Variants in NRXN3 observed in about 807,000 individuals in gnomAD.
The protein encoded by NRXN3 is neurexin 3, also known as neurexin III.
Under a neutral mutation model 137.6 loss-of-function variants are expected in NRXN3, and 32 were observed. The observed-to-expected ratio is 0.23, with a 90% confidence interval of 0.18 to 0.31. The LOEUF (loss-of-function observed/expected upper bound fraction) is 0.31. Among genes scored for constraint, NRXN3 ranks in the 10% least tolerant of loss-of-function variants. The pLI, the probability that NRXN3 is intolerant of heterozygous loss-of-function variation, is 1.00. For missense variants in NRXN3, 1,574 were observed against 2,062.5 expected, an observed-to-expected ratio of 0.76 and a Z score of 4.59; for synonymous variants, 798 against 784.5, an observed-to-expected ratio of 1.02 and a Z score of -0.29.
At chr14:79,292,199 A>G (rs950670397) in intron 15 of NRXN3, among the ~76,000 whole-genome samples, 10 of 152,324 alleles carry the variant, frequency 6.6e-5, no homozygotes, top group Admixed American at 3.9e-4. Flanking sequence ...CTATTACATT[A>G]TAGGAGAGGC....
intron 1 of NRXN3, among the ~76,000 whole-genome samples, chr14:78,196,799 G>A (rs1444360952): frequency 1.3e-5 from 2 of 152,180 alleles, no homozygotes; most frequent in East Asian, 3.8e-4. Context: ...TTAGTTACAC[G>A]GGAGAAGGCT....
intron 4 of NRXN3, among the ~76,000 whole-genome samples, chr14:78,465,599 G>A (rs532287379): frequency 3.7e-4 from 56 of 152,158 alleles, no homozygotes; most frequent in Middle Eastern, 6.8e-3. Context: ...GTGCAGTGGC[G>A]CGATCTCGGC....
intron 15 of NRXN3, among the ~76,000 whole-genome samples, chr14:79,241,421 G>A (rs117895201): frequency 0.014 from 2,205 of 152,240 alleles, 22 homozygotes; most frequent in Non-Finnish European, 0.023. Context: ...CAATCATGGC[G>A]GAAAGCAAAA....
intron 15 of NRXN3, among the ~76,000 whole-genome samples, chr14:79,317,948 T>G (rs1434047133): frequency 6.6e-6 from 1 of 152,082 alleles, no homozygotes; most frequent in African/African-American, 2.4e-5. Context: ...TTCAAACCAA[T>G]GTAAGAGCAT....
intron 15 of NRXN3, chr14:79,248,537 C>T (rs2075515742): frequency 6.6e-6 from 1 of 152,198 alleles, no homozygotes; most frequent in African/African-American, 2.4e-5. Flanking sequence ...TTTCCTGTGT[C>T]CCCATGGGAC....
rs555326706 is a variant in NRXN3, at chr14:78,670,586, T to C, written c.1221+19260T>C. The stretch of plus-strand genomic sequence containing the variant: ...ATAGCAGTTAACTTTTATTGAGTGT[T>C]TACCATGTGTCAGGAACTCTAAGTA... On this transcript the variant is annotated intron_variant, in intron 6 of 20. Coordinates refer to ENST00000335750, the MANE Select transcript of NRXN3 (RefSeq NM_001330195.2). Among the ~76,000 whole-genome samples the C allele has an allele frequency of 9.8e-5, 15 of 152,286 alleles. No homozygotes were observed. The South Asian group carries it at 1.2e-3, about 13-fold the overall frequency.
chr14:79,717,711 A>G lies in NRXN3; in HGVS notation c.4014+19774A>G, dbSNP rs1414082813. Among the ~76,000 whole-genome samples the G allele has an allele frequency of 2.0e-5, 3 of 152,210 alleles. 1 individual carries two copies. The highest frequency in any genetic ancestry group is 4.1e-4 in the South Asian group (2 of 4,832). On this transcript the variant is annotated intron_variant, in intron 19 of 20. Coordinates refer to ENST00000335750, the MANE Select transcript of NRXN3 (RefSeq NM_001330195.2). ...TCAGGTTTAAGGTGCCCAAGCTACT[A>G]TAGTGCCCTTTCTTATCTTGGTTTT...
intron 15 of NRXN3, among the ~76,000 whole-genome samples, chr14:79,386,690 G>A (rs1191249234): frequency 6.6e-6 from 1 of 152,094 alleles, no homozygotes; most frequent in Admixed American, 6.5e-5. Context: ...CACACTACCT[G>A]ACTTCAAACT....
At chr14:78,957,559 G>A (rs1043100792) in intron 11 of NRXN3, among the ~76,000 whole-genome samples, 198 bp downstream of exon 11, 2 of 152,180 alleles carry the variant, frequency 1.3e-5, no homozygotes, top group Non-Finnish European at 2.9e-5. Context: ...GTGCGTTATG[G>A]AAATTACCTA....
At chr14:79,565,288 C>A in intron 16 of NRXN3, among the ~76,000 whole-genome samples, 2 of 117,100 alleles carry the variant, frequency 1.7e-5, no homozygotes, top group Admixed American at 8.0e-5. Flanking sequence ...TACATATACG[C>A]ACACATGTGT....
chr14:78,915,421 G>C (rs1381699959), intron 10 of NRXN3, among the ~76,000 whole-genome samples: 1 of 135,412 alleles, frequency 7.4e-6, no homozygotes, highest in Admixed American at 7.5e-5. Context: ...GGGAACAAGA[G>C]TTTAGAGAAG....
chr14:78,666,729 G>A (rs763214025), intron 6 of NRXN3, among the ~76,000 whole-genome samples: 4 of 151,934 alleles, frequency 2.6e-5, no homozygotes, highest in South Asian at 2.1e-4. Flanking sequence ...ATAGTACTTC[G>A]CCTATCATGG....
intron 10 of NRXN3, among the ~76,000 whole-genome samples, chr14:78,941,948 A>G (rs1276478813): frequency 6.6e-6 from 1 of 152,204 alleles, no homozygotes; most frequent in African/African-American, 2.4e-5. Flanking sequence ...AGGAGGCACC[A>G]TTTAGAATCT....
intron 15 of NRXN3, among the ~76,000 whole-genome samples, chr14:79,203,539 T>A (rs1454779062): frequency 6.6e-6 from 1 of 152,200 alleles, no homozygotes; most frequent in Non-Finnish European, 1.5e-5. Context: ...CTAGTTACAA[T>A]GTTAATTGCC....
chr14:79,190,390 C>T (rs1302977364), intron 15 of NRXN3, among the ~76,000 whole-genome samples: 2 of 152,084 alleles, frequency 1.3e-5, no homozygotes, highest in Non-Finnish European at 2.9e-5. Context: ...GAATTTAAGT[C>T]TAACTTATAC....
intron 15 of NRXN3, among the ~76,000 whole-genome samples, chr14:79,413,694 C>A (rs1049513482): frequency 6.6e-6 from 1 of 151,994 alleles, no homozygotes; most frequent in Non-Finnish European, 1.5e-5. Flanking sequence ...CTCATAACTT[C>A]CCTCCTCTTA....
rs1231501768 is a variant in NRXN3 at position 78,420,621 on chromosome 14, A to G, written c.757+122761A>G. The stretch of plus-strand genomic sequence containing the variant: ...ATATAGGCAAAAGAAGAGCTATGAA[A>G]TATATTAATAACGAATATTCTCACC... On this transcript the variant is annotated intron_variant, in intron 4 of 20. Coordinates refer to ENST00000335750, the MANE Select transcript of NRXN3 (RefSeq NM_001330195.2). 2.6e-5 allele frequency among the ~76,000 whole-genome samples: 4 copies of G among 152,352 alleles called. No individual in the cohort carries two copies. In the East Asian group the frequency reaches 7.7e-4, roughly 29 times the overall value.
intron 16 of NRXN3, among the ~76,000 whole-genome samples, chr14:79,574,539 T>C (rs190812845): frequency 6.6e-6 from 1 of 152,294 alleles, no homozygotes; most frequent in African/African-American, 2.4e-5. Flanking sequence ...GTATCATTAT[T>C]ATTACTGGAG....
At chr14:79,477,181 G>A (rs375784986) in intron 16 of NRXN3, among the ~76,000 whole-genome samples, 9 of 152,004 alleles carry the variant, frequency 5.9e-5, no homozygotes, top group East Asian at 1.9e-4. Flanking sequence ...TGAAGAAAGA[G>A]CATACCTGAT....
Sources: allele counts gnomAD v4.1 joint callset (sites outside exome capture counted in the v4.1 genomes callset), GRCh38; gene constraint gnomAD v4.1.1; transcripts MANE v1.5; gene names NCBI Gene and HGNC (gene_info 2026-07-23, HGNC 2026-07-21).